PALD1: variants seen among roughly 807,000 people sequenced by gnomAD.
The protein encoded by PALD1 is paladin.
Under a neutral mutation model 96.0 loss-of-function variants are expected in PALD1, and 57 were observed. The observed-to-expected ratio is 0.59, with a 90% CI of 0.48 to 0.74. The LOEUF (loss-of-function observed/expected upper bound fraction) is 0.74. PALD1 is among the 30% of genes least tolerant of loss of function. The probability of loss-of-function intolerance (pLI) is 0.00; values close to 1 mark genes in which losing one functional copy is unlikely to be tolerated. For synonymous variants in PALD1, 464 were observed against 473.6 expected (o/e 0.98, Z 0.26); for missense variants, 1,063 against 1,143.7 (o/e 0.93, Z 1.02).
rs61738654 is a variant in PALD1, at chr10:70,533,976, G to A, written c.925G>A (p.Val309Ile). The change falls in exon 8 of 20, where the codon GTC becomes ATC. Residue 309 changes from valine to isoleucine, a missense_variant. Coordinates refer to ENST00000263563, the MANE Select transcript of PALD1 (RefSeq NM_014431.3). ...RDAHGPPPAL[V>I]FSCQMGVGRT... ...TGCCCACGGGCCTCCCCCAGCCCTCGTCTTCAGCTGCCAGATGGGCGTGGG... is the reference window on the plus strand; with the variant it reads ...TGCCCACGGGCCTCCCCCAGCCCTCATCTTCAGCTGCCAGATGGGCGTGGG... 1.5e-3 allele frequency: 2,425 copies of A among 1,613,276 alleles called. 21 individuals carry two copies. The African/African-American group carries it at 0.017, about 11-fold the overall frequency.
At chr10:70,487,066 G>A (rs1329072434) in intron 1 of PALD1, among the ~76,000 whole-genome samples, 4 of 152,000 alleles carry the variant, frequency 2.6e-5, no homozygotes, top group East Asian at 1.9e-4. Flanking sequence ...GGGGCTCTGA[G>A]CTGGGCCCTA....
At chr10:70,530,125 C>T in intron 4 of PALD1, 57 bp downstream of exon 4, 1 of 1,412,804 alleles carries the variant, frequency 7.1e-7, no homozygotes. Context: ...GAGAGGGGCA[C>T]CTTGGAGGGG....
chr10:70,478,726 G>GGCGGGC (rs1300467892), upstream of PALD1: 1 of 152,010 alleles, frequency 6.6e-6, no homozygotes, highest in Non-Finnish European at 1.5e-5. Context: ...TCCGGGCGGG[G>GGCGGGC]GCGGGCGCGG....
At chr10:70,556,384 T>C (rs1451701785) in intron 18 of PALD1, among the ~76,000 whole-genome samples, 2 of 151,930 alleles carry the variant, frequency 1.3e-5, no homozygotes, top group Non-Finnish European at 2.9e-5. Flanking sequence ...GGTGCAATCA[T>C]ACCTCACTGT....
intron 17 of PALD1, among the ~76,000 whole-genome samples, chr10:70,547,016 GC>G (rs1238251804): frequency 2.0e-5 from 3 of 152,208 alleles, no homozygotes; most frequent in Admixed American, 2.0e-4. Context: ...CATAATCCAT[GC>G]CTTTTTTAGA....
chr10:70,499,656 C>T (rs1037918968), intron 1 of PALD1, among the ~76,000 whole-genome samples: 2 of 152,266 alleles, frequency 1.3e-5, no homozygotes, highest in East Asian at 3.8e-4. Context: ...CTCCCTCTGC[C>T]ACTGGAGGTT....
chr10:70,559,392 T>A (rs1353778811), intron 18 of PALD1, among the ~76,000 whole-genome samples: 1 of 152,130 alleles, frequency 6.6e-6, no homozygotes, highest in East Asian at 1.9e-4. Flanking sequence ...GTGGGGCCTT[T>A]TCTGGGATTG....
the PALD1 span, among the ~76,000 whole-genome samples, chr10:70,460,403 C>T: frequency 6.6e-6 from 1 of 152,322 alleles, no homozygotes; most frequent in Non-Finnish European, 1.5e-5. Context: ...CGTGGGCTCC[C>T]TCACAGTCAT....
chr10:70,480,928 G>A (rs922473261), intron 1 of PALD1, among the ~76,000 whole-genome samples: 3 of 152,154 alleles, frequency 2.0e-5, no homozygotes, highest in Non-Finnish European at 2.9e-5. Context: ...GGATGGTGGG[G>A]GTGAGCAAAC....
intron 1 of PALD1, among the ~76,000 whole-genome samples, chr10:70,507,750 CGTGTGTGTGTGTGTGTGTGTGTGT>C (rs10579511): frequency 4.7e-5 from 7 of 148,754 alleles, no homozygotes; most frequent in Non-Finnish European, 1.0e-4. Flanking sequence ...TTTGTGTGTG[CGTGTGTGTGTGTGTGTGTGTGTGT>C]GTGTGTGTGT....
At chr10:70,494,460 G>C (rs1263764084) in intron 1 of PALD1, among the ~76,000 whole-genome samples, 1 of 152,144 alleles carries the variant, frequency 6.6e-6, no homozygotes, top group Admixed American at 6.5e-5. Context: ...TCAGAAAGGT[G>C]GACTGGAACC....
At position 70,539,310 on chromosome 10, in the gene PALD1, G is replaced by A. The variant is rs540239182; in HGVS notation, c.1725+63G>A. ...GGCTTCTGGGGAGTGGCCTGGGAGG[G>A]TCTTCAGAAGGCCTCACACTCCCGC... On this transcript the variant is annotated intron_variant, in intron 14 of 19. Transcript: ENST00000263563. This position sits in a 1 kb window ranked among gnomAD's most constrained non-coding sequence, Gnocchi z 4.5. The A allele has an allele frequency of 2.2e-4, 325 of 1,479,696 alleles. No homozygotes were observed. Among genetic ancestry groups the A allele is most frequent in the Non-Finnish European group, 2.8e-4 (306 of 1,098,238 alleles). 91.7% of individuals were successfully genotyped at this position (1,479,696 alleles called of 1,614,324 possible).
chr10:70,546,524 A>T (rs187874827), intron 17 of PALD1, among the ~76,000 whole-genome samples: 20 of 152,280 alleles, frequency 1.3e-4, no homozygotes, highest in Admixed American at 1.3e-3. Flanking sequence ...TTTTCCTAGT[A>T]ACTCTATTGA....
At chr10:70,517,804 GT>G (rs1846649105) in intron 1 of PALD1, among the ~76,000 whole-genome samples, 2 of 152,136 alleles carry the variant, frequency 1.3e-5, no homozygotes, top group South Asian at 4.2e-4. Flanking sequence ...GTTATACAGT[GT>G]AAGTGTCTGG....
intron 4 of PALD1, 80 bp downstream of exon 4, chr10:70,530,148 C>CCCCTCCAGCGCCTCTAAA: frequency 1.7e-6 from 2 of 1,209,294 alleles, no homozygotes; most frequent in Non-Finnish European, 2.3e-6. Flanking sequence ...GCTTTAGAGG[C>CCCCTCCAGCGCCTCTAAA]GCTGGAGGGG....
At chr10:70,544,750 C>A (rs1847325451) in intron 17 of PALD1, among the ~76,000 whole-genome samples, 1 of 152,190 alleles carries the variant, frequency 6.6e-6, no homozygotes, top group Admixed American at 6.5e-5. Context: ...GTTCCCTGCA[C>A]CCTCCTGGGG....
the PALD1 span, among the ~76,000 whole-genome samples, chr10:70,465,271 GC>G: frequency 1.4e-4 from 22 of 152,338 alleles, no homozygotes; most frequent in African/African-American, 5.3e-4. Context: ...ACCGCACCCG[GC>G]CTCTACATAC....
At chr10:70,521,345 C>A (rs543220784) in intron 1 of PALD1, among the ~76,000 whole-genome samples, 5 of 152,136 alleles carry the variant, frequency 3.3e-5, no homozygotes, top group Admixed American at 3.3e-4. Flanking sequence ...ACCAGCTGTC[C>A]TCATCTGAAA....
chr10:70,513,798 G>C (rs539788198), intron 1 of PALD1, among the ~76,000 whole-genome samples: 41 of 152,154 alleles, frequency 2.7e-4, no homozygotes, highest in Non-Finnish European at 5.4e-4. Flanking sequence ...AGATCCCATA[G>C]ACAGAGCGGC....
Sources: gnomAD v4.1 joint callset for allele counts (sites outside exome capture counted in the v4.1 genomes callset) on GRCh38, gnomAD v4.1.1 for gene constraint, Gnocchi (gnomAD v3.1) non-coding constraint, MANE v1.5 for transcripts, NCBI Gene and HGNC (gene_info 2026-07-23, HGNC 2026-07-21) for gene names.